SELENOK: variants seen among roughly 807,000 people sequenced by gnomAD.
The protein encoded by SELENOK is selenoprotein K.
SELENOK carries 11 observed loss-of-function variants against 17.3 expected under a neutral mutation model. That is an observed-to-expected ratio of 0.63 (90% confidence interval 0.40 to 1.05). The LOEUF (loss-of-function observed/expected upper bound fraction) is 1.05, where lower values mean the gene tolerates loss of function less well. SELENOK is among the 50% of genes least tolerant of loss of function. The pLI is 0.00. For synonymous variants in SELENOK, 45 were observed against 35.4 expected, an observed-to-expected ratio of 1.27 and a Z score of -0.97; for missense variants, 125 against 113.9, an observed-to-expected ratio of 1.10 and a Z score of -0.44.
At chr3:53,888,058 A>G (rs1700139446) in intron 2 of SELENOK, 1 of 167,828 alleles carries the variant, frequency 6.0e-6, no homozygotes, top group Non-Finnish European at 1.3e-5. Flanking sequence ...TTGCATGCAC[A>G]AAGAAAAAAA....
At chr3:53,886,017 A>T (rs1185675264) in intron 3 of SELENOK, 105 bp from the exon 4 acceptor site, 1 of 708,664 alleles carries the variant, frequency 1.4e-6, no homozygotes, top group Non-Finnish European at 2.3e-6. Flanking sequence ...CACCCACATG[A>T]CCCTAAAACA....
intron 1 of SELENOK, among the ~76,000 whole-genome samples, chr3:53,890,177 T>C (rs914850952): frequency 6.6e-5 from 10 of 152,174 alleles, no homozygotes; most frequent in Non-Finnish European, 1.5e-4. Context: ...AGAGGGTGGG[T>C]GACAGGCTTA....
intron 1 of SELENOK, among the ~76,000 whole-genome samples, chr3:53,889,248 T>C: frequency 6.6e-6 from 1 of 152,184 alleles, no homozygotes; most frequent in Non-Finnish European, 1.5e-5. Context: ...TGAAACTCTA[T>C]ACCCATTAAA....
intron 3 of SELENOK, 41 bp from the exon 4 acceptor site, chr3:53,885,953 C>T (rs914082828): frequency 1.5e-6 from 2 of 1,313,388 alleles, no homozygotes; most frequent in Admixed American, 3.1e-5. Context: ...TTGATAGACA[C>T]AACTTGAATT....
intron 1 of SELENOK, 91 bp downstream of exon 1, chr3:53,891,679 C>T (rs1003695311): frequency 3.2e-6 from 5 of 1,540,174 alleles, no homozygotes; most frequent in Non-Finnish European, 4.5e-6. Context: ...GAAGCCGCAC[C>T]GGGCTCAAGA....
At chr3:53,891,097 A>T (rs1189604781) in intron 1 of SELENOK, 1 of 152,250 alleles carries the variant, frequency 6.6e-6, no homozygotes, top group Non-Finnish European at 1.5e-5. Flanking sequence ...TGCCCCTTGA[A>T]ATTCGAGCAA....
chr3:53,889,716 G>C (rs77937789), intron 1 of SELENOK, among the ~76,000 whole-genome samples: 12,820 of 152,180 alleles, frequency 0.084, 691 homozygotes, highest in East Asian at 0.23. Context: ...TGTATAAAAA[G>C]ATTGCGTATT....
Position 53,885,312 on chromosome 3 carries a change from C to T in SELENOK, c.*246G>A, listed in dbSNP as rs1486706787. The T allele has an allele frequency of 2.7e-6, 1 of 373,208 alleles. No homozygotes were observed. The highest frequency in any genetic ancestry group is 4.7e-6 in the Non-Finnish European group (1 of 210,624). 23.1% of individuals were successfully genotyped at this position (373,208 alleles called of 1,614,324 possible). A position where few individuals can be genotyped will look rare whatever the true frequency, so the allele number is the denominator to read the frequency against. Reference sequence around the variant, plus strand: ...TTTACTTATTAAAACTATATTAATACTTTAATAAACTATACAAAAAGGTAA... The same window carrying T: ...TTTACTTATTAAAACTATATTAATATTTTAATAAACTATACAAAAAGGTAA... On this transcript the variant is annotated 3_prime_UTR_variant, in exon 5 of 5. Transcript: ENST00000495461.
chr3:53,890,176 G>A (rs1700157173), intron 1 of SELENOK, among the ~76,000 whole-genome samples: 1 of 152,160 alleles, frequency 6.6e-6, no homozygotes. Flanking sequence ...TAGAGGGTGG[G>A]TGACAGGCTT....
chr3:53,885,969 C>G, intron 3 of SELENOK, 57 bp from the exon 4 acceptor site: 1 of 1,160,292 alleles, frequency 8.6e-7, no homozygotes, highest in Non-Finnish European at 1.2e-6. Context: ...GAATTGTCTC[C>G]TTTTAAAAGC....
In SELENOK at chr3:53,885,480, G is replaced by A. The variant is rs1031973742; in HGVS notation, c.*78C>T. 12 of 1,411,264 alleles carry A rather than the reference G, an allele frequency of 8.5e-6. No individual in the cohort carries two copies. Among genetic ancestry groups the A allele is most frequent in the African/African-American group, 1.4e-5 (1 of 70,160 alleles). 87.4% of individuals were successfully genotyped at this position (1,411,264 alleles called of 1,614,324 possible). A position where few individuals can be genotyped will look rare whatever the true frequency, so the allele number is the denominator to read the frequency against. On this transcript the variant is annotated 3_prime_UTR_variant, in exon 5 of 5. Coordinates refer to ENST00000495461, the MANE Select transcript of SELENOK (RefSeq NM_021237.5). ...TACACATTCATCTACTGCTCATCAT[G>A]GTCAGCCTTCCACTTCTTGATGGTT...
intron 1 of SELENOK, among the ~76,000 whole-genome samples, chr3:53,888,699 C>T (rs1490481671): frequency 6.6e-6 from 1 of 152,170 alleles, no homozygotes; most frequent in Non-Finnish European, 1.5e-5. Context: ...ATGTCAAAAG[C>T]CTACTGGTTT....
chr3:53,889,752 A>G (rs1464166674), intron 1 of SELENOK, among the ~76,000 whole-genome samples: 1 of 152,226 alleles, frequency 6.6e-6, no homozygotes, highest in Non-Finnish European at 1.5e-5. Context: ...CTTTGGAATC[A>G]GTTATTTTTA....
chr3:53,891,850 C>T lies in SELENOK; in HGVS notation c.-62G>A. On this transcript the variant is annotated 5_prime_UTR_variant, in exon 1 of 5. Coordinates refer to ENST00000495461, the MANE Select transcript of SELENOK (RefSeq NM_021237.5). ...CTGGCCCCTGTCGGTTTCTGTATCT[C>T]CCTCTGCTCCCCGCCCTTCGAGCGT... 6.4e-7 allele frequency: 1 copy of T among 1,563,880 alleles called. No individual in the cohort carries two copies. The highest frequency in any genetic ancestry group is 8.8e-7 in the Non-Finnish European group (1 of 1,135,274).
intron 1 of SELENOK, among the ~76,000 whole-genome samples, chr3:53,889,940 G>A (rs1700155660): frequency 6.6e-6 from 1 of 152,174 alleles, no homozygotes; most frequent in Admixed American, 6.5e-5. Flanking sequence ...TACAACATAA[G>A]TTGGTACACT....
At chr3:53,890,725 C>T (rs1237961759) in intron 1 of SELENOK, among the ~76,000 whole-genome samples, 1 of 152,206 alleles carries the variant, frequency 6.6e-6, no homozygotes, top group Non-Finnish European at 1.5e-5. Flanking sequence ...GTCCATCAAT[C>T]TACTTGTTTC....
intron 1 of SELENOK, among the ~76,000 whole-genome samples, chr3:53,889,510 T>C (rs922806371): frequency 5.9e-5 from 9 of 152,262 alleles, no homozygotes; most frequent in Non-Finnish European, 8.8e-5. Flanking sequence ...CACTCATATC[T>C]GTTGATGGAC....
chr3:53,886,680 GATT>G (rs1448020223), intron 3 of SELENOK, among the ~76,000 whole-genome samples, 168 bp downstream of exon 3: 1 of 152,140 alleles, frequency 6.6e-6, no homozygotes, highest in Non-Finnish European at 1.5e-5. Context: ...CAGATTAACT[GATT>G]ATTATCAAAT....
At chr3:53,886,160 T>C (rs1381640597) in intron 3 of SELENOK, among the ~76,000 whole-genome samples, 2 of 152,202 alleles carry the variant, frequency 1.3e-5, no homozygotes, top group African/African-American at 4.8e-5. Context: ...CCTCCAGTAA[T>C]GCCCCACTGA....
Sources: allele counts gnomAD v4.1 joint callset (sites outside exome capture counted in the v4.1 genomes callset), GRCh38; gene constraint gnomAD v4.1.1; transcripts MANE v1.5; gene names NCBI Gene and HGNC (gene_info 2026-07-23, HGNC 2026-07-21).